Variants in POLE2 observed in about 807,000 individuals in gnomAD.
POLE2 encodes DNA polymerase epsilon subunit 2.
A neutral mutation model predicts 79.4 loss-of-function variants in POLE2; 56 were observed. The observed-to-expected ratio is 0.71, with a 90% CI of 0.57 to 0.88. The LOEUF (loss-of-function observed/expected upper bound fraction) is 0.88, where lower values mean the gene tolerates loss of function less well. Among genes scored for constraint, POLE2 ranks in the 40% least tolerant of loss-of-function variants. POLE2 has a pLI of 0.00. For synonymous variants in POLE2, 212 were observed against 214.0 expected (o/e 0.99, Z 0.08); for missense variants, 598 against 638.9 (o/e 0.94, Z 0.69).
chr14:49,688,072 C>T, intron 1 of POLE2, 64 bp downstream of exon 1: 1 of 1,310,740 alleles, frequency 7.6e-7, no homozygotes, highest in Non-Finnish European at 1.1e-6. Flanking sequence ...CGTCCCGCTG[C>T]CGCACCAGGC....
chr14:49,674,554 A>AATTTCT (rs1423095581), intron 3 of POLE2, 127 bp from the exon 4 acceptor site: 4 of 652,424 alleles, frequency 6.1e-6, no homozygotes, highest in African/African-American at 1.8e-5. Context: ...CCAGGCACAC[A>AATTTCT]ATTTCTTTTT....
chr14:49,649,912 C>G (rs1230600596), intron 17 of POLE2, among the ~76,000 whole-genome samples: 3 of 152,178 alleles, frequency 2.0e-5, no homozygotes, highest in Non-Finnish European at 4.4e-5. Context: ...AAATCAAAAT[C>G]ATTCTCAAAG....
intron 6 of POLE2, among the ~76,000 whole-genome samples, chr14:49,668,078 C>G (rs1006333219): frequency 2.0e-5 from 3 of 152,146 alleles, no homozygotes; most frequent in African/African-American, 7.2e-5. Context: ...TCAAGACCAG[C>G]CTGGCCAACA....
At position 49,654,801 on chromosome 14, in the gene POLE2, G is replaced by A. The variant is rs762370242; in HGVS notation, c.1056C>T (p.Tyr352=). 5.4e-6 allele frequency: 8 copies of A among 1,483,178 alleles called. No individual in the cohort carries two copies. Among genetic ancestry groups the A allele is most frequent in the Admixed American group, 5.3e-5 (2 of 37,766 alleles). The allele number at this position is 1,483,178 out of a possible 1,614,324, so 91.9% of individuals were successfully genotyped here. A position where few individuals can be genotyped will look rare whatever the true frequency, so the allele number is the denominator to read the frequency against. ...ATCATTACCTTTGGTGAATATCTGG[G>A]TATTCACATATTATATCTGCCAAAG... The part of the protein sequence containing the change: ...LKTLADIICE[Y]PDIHQSSRFV... The change falls in exon 13 of 19, where the codon TAC becomes TAT. Residue 352 remains tyrosine (Y), a synonymous_variant. Transcript: ENST00000216367.
At chr14:49,671,179 A>G (rs1371679496) in intron 5 of POLE2, among the ~76,000 whole-genome samples, 1 of 152,234 alleles carries the variant, frequency 6.6e-6, no homozygotes, top group Non-Finnish European at 1.5e-5. Context: ...TTAAGAAAAA[A>G]GAAATGTGGT....
intron 17 of POLE2, among the ~76,000 whole-genome samples, chr14:49,649,291 C>G (rs959366796): frequency 1.3e-5 from 2 of 150,818 alleles, no homozygotes; most frequent in East Asian, 3.9e-4. Context: ...GGACTAGAGG[C>G]GCCCGCCACC....
At chr14:49,656,594 A>G (rs1465366491) in intron 10 of POLE2, among the ~76,000 whole-genome samples, 1 of 152,142 alleles carries the variant, frequency 6.6e-6, no homozygotes, top group East Asian at 1.9e-4. Context: ...GGTTCCTTCA[A>G]AGCTTGGTTT....
At chr14:49,654,585 T>C (rs1293293416) in intron 13 of POLE2, 199 bp downstream of exon 13, 3 of 587,778 alleles carry the variant, frequency 5.1e-6, no homozygotes, top group Admixed American at 4.2e-5. Context: ...ATGGCTGAAA[T>C]TACCTCTATC....
intron 18 of POLE2, among the ~76,000 whole-genome samples, chr14:49,645,806 ATT>A: frequency 6.6e-6 from 1 of 152,134 alleles, no homozygotes; most frequent in Non-Finnish European, 1.5e-5. Context: ...AATTTTTTGT[ATT>A]TTTTTGTAGA....
Position 49,679,754 on chromosome 14 carries a change from C to G in POLE2, c.216G>C (p.Gln72His), listed in dbSNP as rs554678911. ...TTTCATCAACAGACTGACTGCATTC[C>G]TGGACTGCTGCTTCCACCACAGATC... ...IERSVVEAAV[Q>H]ECSQSVDETI... Residue 72 changes from glutamine to histidine, a missense_variant, in exon 3 of 19, where the codon CAG becomes CAC. Physicochemically the swap from Gln to His is conservative, Grantham distance 24. Coordinates refer to ENST00000216367, the MANE Select transcript of POLE2 (RefSeq NM_002692.4). 6.2e-7 allele frequency: 1 copy of G among 1,605,576 alleles called. No homozygotes were observed. Among genetic ancestry groups the G allele is most frequent in the Non-Finnish European group, 8.5e-7 (1 of 1,172,524 alleles).
chr14:49,650,328 A>G lies in POLE2; in HGVS notation c.1434T>C (p.Leu478=). The change falls in exon 17 of 19, where the codon CTT becomes CTC. Residue 478 remains leucine (L), a synonymous_variant. Transcript: ENST00000216367. The part of the protein sequence containing the change: ...ALRVYPVPDL[L]VIADKYDPFT... ...AAGGATCATATTTGTCTGCAATGAC[A>G]AGTAGATCGGGCACAGGATACACTC... 6.2e-7 allele frequency: 1 copy of G among 1,611,642 alleles called. No individual in the cohort carries two copies. The highest frequency in any genetic ancestry group is 8.5e-7 in the Non-Finnish European group (1 of 1,178,578).
chr14:49,666,623 T>C (rs1054862066), intron 6 of POLE2, among the ~76,000 whole-genome samples: 4 of 152,178 alleles, frequency 2.6e-5, no homozygotes, highest in Non-Finnish European at 4.4e-5. Context: ...AAGTGTATGA[T>C]GCCTAAAGAA....
Position 49,649,436 on chromosome 14 carries a change from A to G in POLE2, c.1497+829T>C, listed in dbSNP as rs369403362. 4.8e-3 allele frequency among the ~76,000 whole-genome samples: 692 copies of G among 144,746 alleles called. 5 individuals are homozygous for G. Among genetic ancestry groups the G allele is most frequent in the African/African-American group, 0.01 (406 of 38,678 alleles). The allele number at this position is 144,746 out of a possible 152,430, so 95.0% of individuals were successfully genotyped here. On this transcript the variant is annotated intron_variant, in intron 17 of 18. Coordinates refer to ENST00000216367, the MANE Select transcript of POLE2 (RefSeq NM_002692.4). Reference sequence around the variant, plus strand: ...GCTGGGATTACAGGCGTGAGCCACCACACCCGGCCTATATTTCTTTTCTTT... The same window carrying G: ...GCTGGGATTACAGGCGTGAGCCACCGCACCCGGCCTATATTTCTTTTCTTT...
intron 10 of POLE2, among the ~76,000 whole-genome samples, chr14:49,662,159 C>A (rs1413113019): frequency 6.6e-6 from 1 of 152,208 alleles, no homozygotes; most frequent in Non-Finnish European, 1.5e-5. Flanking sequence ...CTTGTGTTCT[C>A]CTTAGCAAGA....
chr14:49,658,367 C>T (rs1471527408), intron 10 of POLE2, among the ~76,000 whole-genome samples: 2 of 152,056 alleles, frequency 1.3e-5, no homozygotes, highest in East Asian at 1.9e-4. Context: ...TGAGCCACCG[C>T]GCCCGGCCCC....
chr14:49,686,720 T>C (rs576019861), intron 1 of POLE2, among the ~76,000 whole-genome samples: 1 of 152,344 alleles, frequency 6.6e-6, no homozygotes, highest in East Asian at 1.9e-4. Flanking sequence ...GATTTAAGTA[T>C]ACTTATGACT....
chr14:49,667,837 TTA>T (rs1253084548), intron 6 of POLE2, among the ~76,000 whole-genome samples: 1 of 152,156 alleles, frequency 6.6e-6, no homozygotes, highest in African/African-American at 2.4e-5. Context: ...CGTTTTATCT[TTA>T]TGTTTTCTTA....
chr14:49,675,038 A>G (rs986550689), intron 3 of POLE2, among the ~76,000 whole-genome samples: 1 of 152,150 alleles, frequency 6.6e-6, no homozygotes, highest in East Asian at 1.9e-4. Context: ...AACAATAGTC[A>G]CATCTTAAAG....
chr14:49,671,247 A>G (rs1472778064), intron 5 of POLE2, among the ~76,000 whole-genome samples: 1 of 152,190 alleles, frequency 6.6e-6, no homozygotes, highest in Admixed American at 6.5e-5. Context: ...CAGGAGATAA[A>G]CAACGAATCC....
Sources: allele counts gnomAD v4.1 joint callset (sites outside exome capture counted in the v4.1 genomes callset), GRCh38; gene constraint gnomAD v4.1.1; transcripts MANE v1.5; gene names NCBI Gene and HGNC (gene_info 2026-07-23, HGNC 2026-07-21).